Variants in PUS3 observed in about 807,000 individuals in gnomAD.
The protein encoded by PUS3 is pseudouridine synthase 3.
PUS3 carries 36 observed loss-of-function variants against 43.3 expected under a neutral mutation model. That is an observed-to-expected ratio of 0.83 (90% CI 0.64 to 1.10). PUS3 has a LOEUF of 1.10. PUS3 is among the 50% of genes least tolerant of loss of function. The probability of loss-of-function intolerance (pLI) is 0.00; values close to 1 mark genes in which losing one functional copy is unlikely to be tolerated. For synonymous variants in PUS3, 183 were observed against 199.2 expected (o/e 0.92, Z 0.69); for missense variants, 544 against 589.9 (o/e 0.92, Z 0.81).
At chr11:125,902,599 TAAAAA>T (rs55792535) in intron 1 of PUS3, among the ~76,000 whole-genome samples, 7 of 117,334 alleles carry the variant, frequency 6.0e-5, no homozygotes, top group African/African-American at 1.6e-4. Flanking sequence ...GCGACAGTCT[TAAAAA>T]AAAAAAAAAA....
chr11:125,895,623 G>A lies in PUS3; in HGVS notation c.545C>T (p.Pro182Leu). Residue 182 changes from proline (P) to leucine (L), a missense_variant, in exon 3 of 4, where the codon CCA (proline) becomes CTA (leucine). Physicochemically the swap from Pro to Leu is moderately conservative, Grantham distance 98. Coordinates refer to ENST00000227474, the MANE Select transcript of PUS3 (RefSeq NM_031307.4). ...GCAGCTGAACCTAGCACTGAAGCTT[G>A]GTTCTACAGGGGCCCAGGCCAATAT... ...IRILAWAPVEPSFSARFSCLE... is the reference protein window; with the variant it reads ...IRILAWAPVELSFSARFSCLE... The A allele has an allele frequency of 6.2e-7, 1 of 1,614,262 alleles. No homozygotes were observed. Among genetic ancestry groups the A allele is most frequent in the South Asian group, 1.1e-5 (1 of 91,078 alleles).
At chr11:125,894,602 T>G (rs1293113067) in intron 3 of PUS3, among the ~76,000 whole-genome samples, 1 of 152,212 alleles carries the variant, frequency 6.6e-6, no homozygotes, top group Non-Finnish European at 1.5e-5. Context: ...GGCATTGCAA[T>G]TTTGTATAGT....
At chr11:125,899,311 T>C in intron 1 of PUS3, 1 of 1,495,878 alleles carries the variant, frequency 6.7e-7, no homozygotes, top group South Asian at 1.2e-5. Flanking sequence ...GGGAATTTAT[T>C]ATCAGAAAAC....
intron 3 of PUS3, 95 bp from the exon 4 acceptor site, chr11:125,894,381 A>G: frequency 2.1e-6 from 2 of 974,800 alleles, no homozygotes; most frequent in Non-Finnish European, 3.0e-6. Context: ...GGAGCCGGGT[A>G]GGGCGCCACC....
At chr11:125,898,677 A>C (rs1944664067) in intron 1 of PUS3, among the ~76,000 whole-genome samples, 1 of 152,186 alleles carries the variant, frequency 6.6e-6, no homozygotes, top group South Asian at 2.1e-4. Flanking sequence ...TCCATCTCAA[A>C]AAAAAAAATT....
chr11:125,894,650 C>G (rs1944520252), intron 3 of PUS3, among the ~76,000 whole-genome samples: 1 of 152,142 alleles, frequency 6.6e-6, no homozygotes, highest in Non-Finnish European at 1.5e-5. Context: ...AGCCTGTTCT[C>G]AAATGAAAAA....
In PUS3 at chr11:125,896,105, A is replaced by G. The variant is rs1944579214; in HGVS notation, c.180T>C (p.His60=). 2 of 1,614,236 alleles carry G rather than the reference A, an allele frequency of 1.2e-6. No individual in the cohort carries two copies. Among genetic ancestry groups the G allele is most frequent in the African/African-American group, 1.3e-5 (1 of 75,050 alleles). The part of the protein sequence containing the change: ...KTKRAFDFSA[H]GRRHVALRIA... ...TTCTTAGGGCTACGTGTCTTCGGCC[A>G]TGAGCACTGAAATCAAATGCACGCT... Residue 60 remains histidine (H), a synonymous_variant, in exon 2 of 4, where the codon CAT becomes CAC. Transcript: ENST00000227474.
chr11:125,896,012 C>T lies in PUS3; in HGVS notation c.273G>A (p.Glu91=). 1 of 1,614,190 alleles carries T rather than the reference C, an allele frequency of 6.2e-7. No homozygotes were observed. Among genetic ancestry groups the T allele is most frequent in the South Asian group, 1.1e-5 (1 of 91,080 alleles). The change falls in exon 2 of 4, where the codon GAG becomes GAA. Residue 91 remains glutamate (E), a synonymous_variant. Transcript: ENST00000227474. ...SQENTNNTIE[E]KLFEALTKTR... The stretch of plus-strand genomic sequence containing the variant: ...TCTTGGTTAGAGCTTCAAACAGTTT[C>T]TCTTCAATGGTATTATTTGTGTTTT...
At chr11:125,897,074 T>C (rs1944612063) in intron 1 of PUS3, among the ~76,000 whole-genome samples, 1 of 152,208 alleles carries the variant, frequency 6.6e-6, no homozygotes, top group Admixed American at 6.5e-5. Context: ...TCCTGTAATA[T>C]TTCAATAATC....
chr11:125,898,327 G>A (rs1346057572), intron 1 of PUS3, among the ~76,000 whole-genome samples: 2 of 152,214 alleles, frequency 1.3e-5, no homozygotes, highest in African/African-American at 4.8e-5. Flanking sequence ...GCTGATTGAT[G>A]TGGATACCAA....
At chr11:125,898,024 TGCTGATATA>T (rs1340497530) in intron 1 of PUS3, among the ~76,000 whole-genome samples, 1 of 152,202 alleles carries the variant, frequency 6.6e-6, no homozygotes, top group Non-Finnish European at 1.5e-5. Context: ...TGTCGGCCTG[TGCTGATATA>T]GCTGGATAAC....
intron 1 of PUS3, 49 bp from the exon 2 acceptor site, chr11:125,896,379 A>T: frequency 1.7e-6 from 2 of 1,210,312 alleles, no homozygotes; most frequent in Non-Finnish European, 2.3e-6. Flanking sequence ...AGTTCCTTTG[A>T]TGATGTTCTA....
rs1944508064 is a variant in PUS3 at position 125,894,276 on chromosome 11, C to G, written c.955G>C (p.Glu319Gln). 1 of 1,605,210 alleles carries G rather than the reference C, an allele frequency of 6.2e-7. No homozygotes were observed. Among genetic ancestry groups the G allele is most frequent in the Non-Finnish European group, 8.5e-7 (1 of 1,173,590 alleles). ...PQKPQYSMAV[E>Q]FPLVLYDCKF... The stretch of plus-strand genomic sequence containing the variant: ...CAGTCATATAAGACTAGAGGAAATT[C>G]TACAGCCATACTAGAGAAAAAGAGA... The change falls in exon 4 of 4, where the codon GAA (glutamate) becomes CAA (glutamine). Residue 319 changes from glutamate to glutamine, a missense_variant. By Grantham distance (29) the Glu-to-Gln change is conservative. Coordinates refer to ENST00000227474, the MANE Select transcript of PUS3 (RefSeq NM_031307.4).
intron 1 of PUS3, among the ~76,000 whole-genome samples, chr11:125,901,295 T>A (rs1243547161): frequency 1.3e-5 from 2 of 152,204 alleles, no homozygotes; most frequent in Non-Finnish European, 2.9e-5. Context: ...GAATTATGCA[T>A]CATTTGGAAG....
chr11:125,900,069 G>C (rs1236185873), intron 1 of PUS3: 2 of 1,614,066 alleles, frequency 1.2e-6, no homozygotes, highest in African/African-American at 2.7e-5. Flanking sequence ...GAAGATCATA[G>C]AAAGGAATTA....
At chr11:125,895,839 G>A (rs1452717934) in intron 2 of PUS3, 50 bp from the exon 3 acceptor site, 1 of 1,581,632 alleles carries the variant, frequency 6.3e-7, no homozygotes, top group Non-Finnish European at 8.6e-7. Flanking sequence ...AATAATCTCA[G>A]TACTCAGTGT....
rs765157792 is a variant in PUS3, at chr11:125,899,634, T to G, written c.-46-3304A>C. The G allele has an allele frequency of 4.3e-6, 7 of 1,614,044 alleles. No individual in the cohort carries two copies. The Middle Eastern group carries it at 9.9e-4, about 228-fold the overall frequency. ...ACAGTCTCTGAGGCCTCCCAAAGACTCCGAAAGCCAGTGATGAAGAGAAAG... is the reference window on the plus strand; with the variant it reads ...ACAGTCTCTGAGGCCTCCCAAAGACGCCGAAAGCCAGTGATGAAGAGAAAG... On this transcript the variant is annotated intron_variant, in intron 1 of 3. Coordinates refer to ENST00000227474, the MANE Select transcript of PUS3 (RefSeq NM_031307.4).
In PUS3 at chr11:125,894,298, G is replaced by C; in HGVS notation, c.945-12C>G. The C allele has an allele frequency of 6.3e-7, 1 of 1,578,854 alleles. No homozygotes were observed. The highest frequency in any genetic ancestry group is 1.4e-5 in the African/African-American group (1 of 73,580). Reference sequence around the variant, plus strand: ...ATTCTACAGCCATACTAGAGAAAAAGAGAAAAGAAAGTTTGAGAATACATA... The same window carrying C: ...ATTCTACAGCCATACTAGAGAAAAACAGAAAAGAAAGTTTGAGAATACATA... On this transcript the variant is annotated splice_polypyrimidine_tract_variant and intron_variant, in intron 3 of 3. Transcript: ENST00000227474.
chr11:125,893,928 G>T lies in PUS3; in HGVS notation c.1303C>A (p.Arg435=). ...SRIQHFVRRG[R]IEHPHLFHEE... ...TGGAATAAATGTGGGTGCTCAATTC[G>T]TCCCCTACGTACAAAATGCTGGATC... Residue 435 remains arginine (R), a synonymous_variant, in exon 4 of 4, where the codon CGA becomes AGA. Coordinates refer to ENST00000227474, the MANE Select transcript of PUS3 (RefSeq NM_031307.4). The T allele has an allele frequency of 6.2e-7, 1 of 1,613,966 alleles. No individual in the cohort carries two copies. The highest frequency in any genetic ancestry group is 8.5e-7 in the Non-Finnish European group (1 of 1,180,000).
Sources: gnomAD v4.1 joint callset for allele counts (sites outside exome capture counted in the v4.1 genomes callset) on GRCh38, gnomAD v4.1.1 for gene constraint, MANE v1.5 for transcripts, NCBI Gene and HGNC (gene_info 2026-07-23, HGNC 2026-07-21) for gene names.